The following STARD13 variants were observed in gnomAD, a reference collection of about 807,000 sequenced individuals.
The protein encoded by STARD13 is stAR-related lipid transfer protein 13.
In STARD13, 62 loss-of-function variants were observed where a neutral mutation model predicts 106.4. The observed-to-expected ratio is 0.58, with a 90% CI of 0.48 to 0.72. The LOEUF (loss-of-function observed/expected upper bound fraction) is 0.72. STARD13 is among the 30% of genes least tolerant of loss of function. The pLI is 0.00. For synonymous variants in STARD13, 565 were observed against 553.0 expected, an observed-to-expected ratio of 1.02 and a Z score of -0.31; for missense variants, 1,387 against 1,424.0, an observed-to-expected ratio of 0.97 and a Z score of 0.42.
At chr13:33,410,044 G>C in the STARD13 span, among the ~76,000 whole-genome samples, 2 of 152,282 alleles carry the variant, frequency 1.3e-5, no homozygotes, top group East Asian at 3.9e-4. Context: ...ATTTGGTATA[G>C]CATGTCAGAA....
the STARD13 span, among the ~76,000 whole-genome samples, chr13:33,655,470 A>C: frequency 6.6e-6 from 1 of 152,204 alleles, no homozygotes; most frequent in East Asian, 1.9e-4. Context: ...GATGCTCTCA[A>C]ATTAATGCAT....
chr13:33,546,387 T>C, the STARD13 span, among the ~76,000 whole-genome samples: 1 of 152,218 alleles, frequency 6.6e-6, no homozygotes, highest in East Asian at 1.9e-4. Flanking sequence ...ATTAATACTT[T>C]TAATTTTAGC....
At chr13:33,207,026 C>A (rs186900477) in intron 1 of STARD13, among the ~76,000 whole-genome samples, 1 of 152,228 alleles carries the variant, frequency 6.6e-6, no homozygotes, top group Non-Finnish European at 1.5e-5. Context: ...TGTTATTATG[C>A]AACATTCGTA....
chr13:33,485,607 G>A, the STARD13 span, among the ~76,000 whole-genome samples: 44 of 152,262 alleles, frequency 2.9e-4, no homozygotes, highest in African/African-American at 8.9e-4. Context: ...AAAGAGCTGA[G>A]AATCTGATCC....
the STARD13 span, among the ~76,000 whole-genome samples, chr13:33,647,759 G>A: frequency 6.6e-6 from 1 of 152,164 alleles, no homozygotes; most frequent in South Asian, 2.1e-4. Context: ...TTAGTGTTTG[G>A]CAGAATAGGC....
the STARD13 span, among the ~76,000 whole-genome samples, chr13:33,597,865 A>G: frequency 2.0e-5 from 3 of 152,146 alleles, no homozygotes; most frequent in Admixed American, 2.0e-4. Context: ...AAAAAAAAAA[A>G]AAGATTGCAC....
chr13:33,302,535 G>A (rs1410626461), intron 1 of STARD13, among the ~76,000 whole-genome samples: 1 of 152,010 alleles, frequency 6.6e-6, no homozygotes, highest in Non-Finnish European at 1.5e-5. Flanking sequence ...TCCCACTTCA[G>A]CCTCCCAAGT....
At chr13:33,408,437 T>C in the STARD13 span, among the ~76,000 whole-genome samples, 1 of 151,808 alleles carries the variant, frequency 6.6e-6, no homozygotes, top group South Asian at 2.1e-4. Flanking sequence ...GTTCATTTCA[T>C]TTAACATAAT....
upstream of STARD13, among the ~76,000 whole-genome samples, chr13:33,353,001 C>T (rs766627421): frequency 6.6e-6 from 1 of 152,170 alleles, no homozygotes; most frequent in Admixed American, 6.5e-5. Context: ...CCCATCGCAG[C>T]GGAAGAGGTG....
chr13:33,208,305 A>G (rs1348213638), intron 1 of STARD13, among the ~76,000 whole-genome samples: 1 of 152,140 alleles, frequency 6.6e-6, no homozygotes, highest in Non-Finnish European at 1.5e-5. Flanking sequence ...ATGAGGGTAC[A>G]CAGGCAGAGA....
At chr13:33,571,757 G>GT in the STARD13 span, among the ~76,000 whole-genome samples, 6 of 152,198 alleles carry the variant, frequency 3.9e-5, no homozygotes, top group Non-Finnish European at 8.8e-5. Context: ...CCAGATGCCT[G>GT]TCAGTCACAG....
the STARD13 span, among the ~76,000 whole-genome samples, chr13:33,583,653 C>T: frequency 2.0e-5 from 3 of 152,084 alleles, no homozygotes; most frequent in Non-Finnish European, 4.4e-5. Context: ...CAGTTAGTCC[C>T]AAAAGACACA....
chr13:33,345,751 T>C (rs747527242), downstream of STARD13, among the ~76,000 whole-genome samples: 6 of 152,230 alleles, frequency 3.9e-5, no homozygotes, highest in Non-Finnish European at 8.8e-5. Flanking sequence ...GAAGTGAATA[T>C]ATTTGAACAT....
At chr13:33,147,697 A>G (rs1031832996) in intron 3 of STARD13, among the ~76,000 whole-genome samples, 3 of 152,190 alleles carry the variant, frequency 2.0e-5, no homozygotes, top group African/African-American at 7.2e-5. Context: ...CAAACAAAAA[A>G]CCAAAACAGT....
the STARD13 span, among the ~76,000 whole-genome samples, chr13:33,625,146 AG>A: frequency 4.6e-5 from 7 of 152,252 alleles, no homozygotes; most frequent in South Asian, 1.5e-3. Context: ...TGAGTGGAGG[AG>A]GGGTAGGGTC....
chr13:33,305,529 A>G (rs1485344080), intron 1 of STARD13, among the ~76,000 whole-genome samples: 2 of 152,270 alleles, frequency 1.3e-5, no homozygotes, highest in African/African-American at 4.8e-5. Flanking sequence ...GCATAAAGAA[A>G]CAAAGGGCAT....
chr13:33,619,685 TAAAC>T, the STARD13 span, among the ~76,000 whole-genome samples: 2 of 151,894 alleles, frequency 1.3e-5, no homozygotes, highest in East Asian at 1.9e-4. Flanking sequence ...GAGTAAAAAA[TAAAC>T]AAAATAGATG....
the STARD13 span, among the ~76,000 whole-genome samples, chr13:33,642,058 C>T: frequency 1.3e-5 from 2 of 152,154 alleles, no homozygotes; most frequent in Non-Finnish European, 2.9e-5. Context: ...TTTGTGTCTT[C>T]CCTTCTTTTC....
the STARD13 span, among the ~76,000 whole-genome samples, chr13:33,583,060 G>C: frequency 1.4e-4 from 21 of 152,310 alleles, no homozygotes; most frequent in African/African-American, 5.1e-4. Context: ...TGCATGTTTG[G>C]AAGGCTGTTC....
Sources: gnomAD v4.1 joint callset for allele counts (sites outside exome capture counted in the v4.1 genomes callset) on GRCh38, gnomAD v4.1.1 for gene constraint, MANE v1.5 for transcripts, NCBI Gene and HGNC (gene_info 2026-07-23, HGNC 2026-07-21) for gene names.